Variants in ASXL3 observed in about 807,000 individuals in gnomAD.
The protein encoded by ASXL3 is ASXL transcriptional regulator 3, also known as putative Polycomb group protein ASXL3.
ASXL3 carries 34 observed loss-of-function variants against 170.6 expected under a neutral mutation model. The ratio of observed to expected loss-of-function variants is 0.20; its 90% CI spans 0.15 to 0.27. The LOEUF is 0.27. Among genes scored for constraint, ASXL3 ranks in the 10% least tolerant of loss-of-function variants. The probability of loss-of-function intolerance (pLI) is 1.00; values close to 1 mark genes in which losing one functional copy is unlikely to be tolerated. For missense variants in ASXL3, 2,592 were observed against 2,695.3 expected (o/e 0.96, Z 0.85); for synonymous variants, 1,002 against 989.1 (o/e 1.01, Z -0.24).
At chr18:33,630,007 A>G (rs1044852714) in intron 2 of ASXL3, among the ~76,000 whole-genome samples, 5 of 152,022 alleles carry the variant, frequency 3.3e-5, no homozygotes, top group African/African-American at 4.8e-5. Flanking sequence ...TGTAGCAAGC[A>G]TAGGCATTTC....
chr18:33,743,784 C>T lies in ASXL3; in HGVS notation c.3936C>T (p.Ser1312=). The T allele has an allele frequency of 6.2e-7, 1 of 1,613,972 alleles. No homozygotes were observed. The highest frequency in any genetic ancestry group is 8.5e-7 in the Non-Finnish European group (1 of 1,179,888). The change falls in exon 12 of 12, where the codon TCC becomes TCT. Residue 1312 remains serine, a synonymous_variant. Transcript: ENST00000269197. ...CCATTTCAGCCACTACAGAGGGCTCCAGCATATCAAGCTCCATGGATGATA... is the reference window on the plus strand; with the variant it reads ...CCATTTCAGCCACTACAGAGGGCTCTAGCATATCAAGCTCCATGGATGATA... ...STPISATTEG[S]SISSSMDDKQ...
chr18:33,716,705 G>T (rs2067170844), intron 8 of ASXL3, among the ~76,000 whole-genome samples: 1 of 152,092 alleles, frequency 6.6e-6, no homozygotes, highest in Non-Finnish European at 1.5e-5. Flanking sequence ...AAAGTGAACT[G>T]TTGGCTTGTA....
chr18:33,652,903 G>C (rs2066024335), intron 4 of ASXL3, among the ~76,000 whole-genome samples: 1 of 152,028 alleles, frequency 6.6e-6, no homozygotes, highest in African/African-American at 2.4e-5. Context: ...TGAGACATCA[G>C]TTACATGCAG....
chr18:33,636,009 A>G (rs1176310043), intron 2 of ASXL3, among the ~76,000 whole-genome samples: 3 of 152,220 alleles, frequency 2.0e-5, no homozygotes, highest in Non-Finnish European at 4.4e-5. Context: ...GGAAAGTTAA[A>G]GGTGTAAACA....
intron 8 of ASXL3, among the ~76,000 whole-genome samples, chr18:33,701,792 A>AT (rs936002033): frequency 2.0e-5 from 3 of 151,864 alleles, no homozygotes; most frequent in African/African-American, 7.3e-5. Context: ...AAAGTTAAAC[A>AT]TTTTTTTTAT....
intron 2 of ASXL3, among the ~76,000 whole-genome samples, chr18:33,641,498 A>T (rs941165728): frequency 6.6e-6 from 1 of 152,212 alleles, no homozygotes; most frequent in Non-Finnish European, 1.5e-5. Context: ...ATTGGGGACA[A>T]ATAGTGTCCT....
At chr18:33,632,838 A>G (rs2065700005) in intron 2 of ASXL3, among the ~76,000 whole-genome samples, 1 of 152,172 alleles carries the variant, frequency 6.6e-6, no homozygotes, top group Non-Finnish European at 1.5e-5. Flanking sequence ...TAAATGGACA[A>G]GAGCACCTTC....
chr18:33,610,118 A>G (rs1324885391), intron 2 of ASXL3, among the ~76,000 whole-genome samples: 5 of 152,128 alleles, frequency 3.3e-5, no homozygotes, highest in African/African-American at 4.8e-5. Context: ...TATTTTGCCT[A>G]CTTAATGTAC....
At chr18:33,610,931 T>C (rs1381274915) in intron 2 of ASXL3, among the ~76,000 whole-genome samples, 1 of 152,130 alleles carries the variant, frequency 6.6e-6, no homozygotes, top group Non-Finnish European at 1.5e-5. Flanking sequence ...TGCTGTTGCT[T>C]GTTTTCAAAC....
At chr18:33,613,432 C>T (rs576612224) in intron 2 of ASXL3, among the ~76,000 whole-genome samples, 3 of 152,156 alleles carry the variant, frequency 2.0e-5, no homozygotes, top group Admixed American at 6.6e-5. Flanking sequence ...AATAAGGAAT[C>T]CATAATCCAG....
At chr18:33,691,424 T>C (rs559137501) in intron 8 of ASXL3, among the ~76,000 whole-genome samples, 156 of 152,346 alleles carry the variant, frequency 1.0e-3, no homozygotes, top group African/African-American at 3.6e-3. Context: ...GGAGCTGTTG[T>C]GGCTGCTAAG....
intron 8 of ASXL3, among the ~76,000 whole-genome samples, chr18:33,725,938 A>G (rs1230997311): frequency 2.0e-5 from 3 of 152,102 alleles, no homozygotes; most frequent in Non-Finnish European, 2.9e-5. Flanking sequence ...GAACAATCTT[A>G]AGACTTTTCA....
chr18:33,600,789 T>C (rs2065176135), intron 1 of ASXL3, among the ~76,000 whole-genome samples: 2 of 152,150 alleles, frequency 1.3e-5, no homozygotes, highest in Admixed American at 1.3e-4. Flanking sequence ...AAACCATGTC[T>C]TTCAGCTGTG....
chr18:33,721,125 T>C (rs2067250674), intron 8 of ASXL3, among the ~76,000 whole-genome samples: 1 of 152,086 alleles, frequency 6.6e-6, no homozygotes, highest in East Asian at 1.9e-4. Flanking sequence ...AATAAGAGAA[T>C]TGTTTTCTTT....
intron 1 of ASXL3, among the ~76,000 whole-genome samples, chr18:33,606,930 T>C (rs577757792): frequency 6.6e-6 from 1 of 152,084 alleles, no homozygotes; most frequent in African/African-American, 2.4e-5. Flanking sequence ...ACACCCTTTG[T>C]TTAAAAGAAC....
chr18:33,728,306 G>A (rs1043732740), intron 8 of ASXL3, among the ~76,000 whole-genome samples: 1 of 152,060 alleles, frequency 6.6e-6, no homozygotes, highest in African/African-American at 2.4e-5. Flanking sequence ...TTCTATACAT[G>A]TACTCCACAA....
intron 2 of ASXL3, among the ~76,000 whole-genome samples, chr18:33,618,153 C>G (rs2065456703): frequency 6.6e-6 from 1 of 152,068 alleles, no homozygotes; most frequent in African/African-American, 2.4e-5. Context: ...AAAGCAATAG[C>G]ACATAATTCT....
intron 1 of ASXL3, among the ~76,000 whole-genome samples, chr18:33,584,386 A>G (rs189824705): frequency 6.6e-6 from 1 of 152,192 alleles, no homozygotes; most frequent in African/African-American, 2.4e-5. Context: ...GTGGTAATAG[A>G]AAGGGAATTA....
intron 2 of ASXL3, among the ~76,000 whole-genome samples, chr18:33,636,335 GCAACAACAACAGCC>G (rs2065764765): frequency 2.5e-5 from 1 of 39,368 alleles, no homozygotes; most frequent in African/African-American, 8.9e-5. Context: ...AACAACAACA[GCAACAACAACAGCC>G]ACAACAACAG....
Sources: gnomAD v4.1 joint callset for allele counts (sites outside exome capture counted in the v4.1 genomes callset) on GRCh38, gnomAD v4.1.1 for gene constraint, MANE v1.5 for transcripts, NCBI Gene and HGNC (gene_info 2026-07-23, HGNC 2026-07-21) for gene names.